SLC24A3: variants seen among roughly 807,000 people sequenced by gnomAD.
SLC24A3 encodes sodium/potassium/calcium exchanger 3.
Under a neutral mutation model 75.8 loss-of-function variants are expected in SLC24A3, and 28 were observed. The observed-to-expected ratio is 0.37, with a 90% CI of 0.27 to 0.51. The LOEUF is 0.51. SLC24A3 is among the 20% of genes least tolerant of loss of function. The pLI, the probability that SLC24A3 is intolerant of heterozygous loss-of-function variation, is 0.94. For missense variants in SLC24A3, 663 were observed against 847.8 expected, an observed-to-expected ratio of 0.78 and a Z score of 2.71; for synonymous variants, 372 against 334.1, an observed-to-expected ratio of 1.11 and a Z score of -1.24.
chr20:19,331,186 A>G (rs572111437), intron 2 of SLC24A3, among the ~76,000 whole-genome samples: 7 of 152,330 alleles, frequency 4.6e-5, no homozygotes, highest in Admixed American at 2.0e-4. Context: ...GTTTAGATAA[A>G]AGAGTTGTAT....
intron 1 of SLC24A3, among the ~76,000 whole-genome samples, chr20:19,269,278 T>A (rs1036900898): frequency 6.6e-6 from 1 of 152,228 alleles, no homozygotes; most frequent in African/African-American, 2.4e-5. Flanking sequence ...AGATTGATCA[T>A]CATGGTATTT....
chr20:19,359,864 C>T (rs1185646266), intron 2 of SLC24A3, among the ~76,000 whole-genome samples: 1 of 152,090 alleles, frequency 6.6e-6, no homozygotes, highest in Non-Finnish European at 1.5e-5. Context: ...GGCTCAGTTT[C>T]GATGACTACC....
At chr20:19,551,214 G>T (rs1394533252) in intron 3 of SLC24A3, among the ~76,000 whole-genome samples, 1 of 152,218 alleles carries the variant, frequency 6.6e-6, no homozygotes, top group Non-Finnish European at 1.5e-5. Flanking sequence ...TGAAAGGACT[G>T]TGGGAGTCAG....
intron 2 of SLC24A3, among the ~76,000 whole-genome samples, chr20:19,314,256 C>T (rs1405849490): frequency 1.4e-5 from 2 of 143,814 alleles, no homozygotes; most frequent in African/African-American, 4.9e-5. Flanking sequence ...TATTCCAAAT[C>T]CTCTTTTTTT....
chr20:19,305,420 A>G (rs1430545469), intron 2 of SLC24A3, among the ~76,000 whole-genome samples: 1 of 152,030 alleles, frequency 6.6e-6, no homozygotes, highest in African/African-American at 2.4e-5. Flanking sequence ...AAGGTGCATC[A>G]CATGCTAAGA....
At chr20:19,518,406 G>A (rs1049786578) in intron 3 of SLC24A3, among the ~76,000 whole-genome samples, 6 of 152,334 alleles carry the variant, frequency 3.9e-5, no homozygotes, top group African/African-American at 9.6e-5. Flanking sequence ...AAATGCTGAC[G>A]AGGGTCTATA....
chr20:19,290,856 G>A (rs1983924322), intron 2 of SLC24A3, among the ~76,000 whole-genome samples: 1 of 152,194 alleles, frequency 6.6e-6, no homozygotes, highest in Admixed American at 6.5e-5. Flanking sequence ...TCTTCCAGCA[G>A]GGTCTATGTG....
At chr20:19,234,488 A>G (rs1487893440) in intron 1 of SLC24A3, among the ~76,000 whole-genome samples, 1 of 152,248 alleles carries the variant, frequency 6.6e-6, no homozygotes, top group Non-Finnish European at 1.5e-5. Flanking sequence ...AGACCCTTCT[A>G]TGCTAGTGAA....
chr20:19,381,135 C>T (rs1986173802), intron 2 of SLC24A3, among the ~76,000 whole-genome samples: 1 of 152,166 alleles, frequency 6.6e-6, no homozygotes, highest in Non-Finnish European at 1.5e-5. Context: ...CTATATTGCT[C>T]TCTCATCTTT....
intron 2 of SLC24A3, among the ~76,000 whole-genome samples, chr20:19,500,065 T>C (rs139827175): frequency 2.9e-4 from 44 of 152,266 alleles, no homozygotes; most frequent in African/African-American, 1.0e-3. Context: ...TTGAGTTATA[T>C]TGATGAGGAA....
At chr20:19,410,683 T>A (rs1014384112) in intron 2 of SLC24A3, among the ~76,000 whole-genome samples, 3 of 152,042 alleles carry the variant, frequency 2.0e-5, no homozygotes, top group African/African-American at 7.3e-5. Context: ...ACCAAGAACA[T>A]TGCCTGGCAC....
At chr20:19,635,419 TGAA>T (rs1258510621) in intron 6 of SLC24A3, among the ~76,000 whole-genome samples, 7 of 152,238 alleles carry the variant, frequency 4.6e-5, no homozygotes, top group Admixed American at 6.5e-5. Context: ...AGTAGGTTGA[TGAA>T]GAAGGAGTAA....
chr20:19,466,442 C>T (rs1987766339), intron 2 of SLC24A3, among the ~76,000 whole-genome samples: 1 of 152,148 alleles, frequency 6.6e-6, no homozygotes. Flanking sequence ...GGAAGTGGCT[C>T]GTGGGTGTTC....
intron 15 of SLC24A3, among the ~76,000 whole-genome samples, chr20:19,700,633 G>A (rs564455880): frequency 6.6e-6 from 1 of 152,280 alleles, no homozygotes; most frequent in South Asian, 2.1e-4. Flanking sequence ...TAACATTTCA[G>A]CATATTTTTC....
chr20:19,229,821 G>T (rs572062030), intron 1 of SLC24A3, among the ~76,000 whole-genome samples: 1 of 151,726 alleles, frequency 6.6e-6, no homozygotes, highest in Admixed American at 6.6e-5. Context: ...TTTTCCCCTT[G>T]GTAATTTGAT....
At chr20:19,569,103 G>A (rs2031008142) in intron 3 of SLC24A3, among the ~76,000 whole-genome samples, 1 of 152,156 alleles carries the variant, frequency 6.6e-6, no homozygotes. Flanking sequence ...CTTGTGGGAG[G>A]TCAGACCTGT....
intron 2 of SLC24A3, among the ~76,000 whole-genome samples, chr20:19,491,615 C>G (rs1292418180): frequency 6.6e-6 from 1 of 152,192 alleles, no homozygotes; most frequent in African/African-American, 2.4e-5. Context: ...CCTCCTCTAC[C>G]CTCCTGCTCA....
chr20:19,591,197 T>A (rs2122644109), intron 6 of SLC24A3, among the ~76,000 whole-genome samples: 1 of 152,304 alleles, frequency 6.6e-6, no homozygotes, highest in East Asian at 1.9e-4. Flanking sequence ...GATCTCTGTG[T>A]TAGCTTTGAT....
At chr20:19,369,260 T>C (rs1158285271) in intron 2 of SLC24A3, among the ~76,000 whole-genome samples, 1 of 152,200 alleles carries the variant, frequency 6.6e-6, no homozygotes, top group Non-Finnish European at 1.5e-5. Context: ...GCATTCTGCC[T>C]CCTGATGAAG....
Sources: gnomAD v4.1 joint callset for allele counts (sites outside exome capture counted in the v4.1 genomes callset) on GRCh38, gnomAD v4.1.1 for gene constraint, MANE v1.5 for transcripts, NCBI Gene and HGNC (gene_info 2026-07-23, HGNC 2026-07-21) for gene names.